Variants in KMT2E observed in about 807,000 individuals in gnomAD.
The protein encoded by KMT2E is lysine methyltransferase 2E (inactive).
Under a neutral mutation model 184.6 loss-of-function variants are expected in KMT2E, and 30 were observed. The observed-to-expected ratio is 0.16, with a 90% CI of 0.12 to 0.22. The LOEUF (loss-of-function observed/expected upper bound fraction) is 0.22, where lower values mean the gene tolerates loss of function less well. Among genes scored for constraint, KMT2E ranks in the 10% least tolerant of loss-of-function variants. KMT2E has a pLI of 1.00. For synonymous variants in KMT2E, 815 were observed against 776.5 expected (o/e 1.05, Z -0.82); for missense variants, 2,023 against 2,237.4 (o/e 0.90, Z 1.93).
intron 6 of KMT2E, among the ~76,000 whole-genome samples, chr7:105,071,606 ATATTTTTTTTTTT>A (rs1358129626): frequency 8.5e-5 from 5 of 58,696 alleles, no homozygotes; most frequent in African/African-American, 3.1e-4. Context: ...ATATATATAT[ATATTTTTTTTTTT>A]TTTTTTTTTT....
At chr7:105,037,237 T>G (rs564925405) in intron 1 of KMT2E, among the ~76,000 whole-genome samples, 1 of 152,348 alleles carries the variant, frequency 6.6e-6, no homozygotes, top group East Asian at 1.9e-4. Flanking sequence ...GGCTCTTTCC[T>G]CAAAGAGATT....
chr7:105,064,971 T>A (rs1322794735), intron 5 of KMT2E, among the ~76,000 whole-genome samples: 3 of 152,182 alleles, frequency 2.0e-5, no homozygotes, highest in African/African-American at 4.8e-5. Flanking sequence ...ATATATAAGA[T>A]ACAGTTATCT....
chr7:105,093,114 G>A lies in KMT2E; in HGVS notation c.1722+1800G>A, dbSNP rs78354560. ...GGGTGCTGAAGCGGGAGGATCACTTGAGTCTAGGAGGTCAAGGCTGCACTG... is the reference window on the plus strand; with the variant it reads ...GGGTGCTGAAGCGGGAGGATCACTTAAGTCTAGGAGGTCAAGGCTGCACTG... On this transcript the variant is annotated intron_variant, in intron 15 of 26. Coordinates refer to ENST00000311117, the MANE Select transcript of KMT2E (RefSeq NM_182931.3). 3.9e-5 allele frequency among the ~76,000 whole-genome samples: 6 copies of A among 152,258 alleles called. No individual in the cohort carries two copies. In the South Asian group the frequency reaches 1.2e-3, roughly 32 times the overall value.
intron 1 of KMT2E, among the ~76,000 whole-genome samples, chr7:105,019,507 A>T (rs1169174110): frequency 6.6e-6 from 1 of 152,248 alleles, no homozygotes; most frequent in Non-Finnish European, 1.5e-5. Flanking sequence ...GATGTGTTGC[A>T]TTAAGATGCC....
At chr7:105,066,133 A>G (rs191231898) in intron 5 of KMT2E, among the ~76,000 whole-genome samples, 1 of 152,102 alleles carries the variant, frequency 6.6e-6, no homozygotes, top group East Asian at 1.9e-4. Context: ...TTAATACTAC[A>G]TGCCACCAAA....
chr7:105,043,297 C>T (rs1218496266), intron 3 of KMT2E, among the ~76,000 whole-genome samples: 8 of 146,418 alleles, frequency 5.5e-5, no homozygotes, highest in Non-Finnish European at 9.0e-5. Context: ...AGTGCAGTGG[C>T]GGGATCTCGG....
chr7:105,023,897 T>A (rs1795064382), intron 1 of KMT2E, among the ~76,000 whole-genome samples: 1 of 152,234 alleles, frequency 6.6e-6, no homozygotes, highest in Admixed American at 6.5e-5. Flanking sequence ...ACATCTGTAA[T>A]TCTAGGGCAA....
At chr7:105,047,229 C>A (rs572789747) in intron 3 of KMT2E, among the ~76,000 whole-genome samples, 1 of 152,334 alleles carries the variant, frequency 6.6e-6, no homozygotes, top group South Asian at 2.1e-4. Context: ...TACCAAAATT[C>A]CAGACTCCCA....
chr7:105,101,593 T>TA lies in KMT2E; in HGVS notation c.1887+4_1887+5insA. ...CAGTGATGCTGAAGTTATTCAGGTA[T>TA]TATTTATTCAGGTCGTTTTATTTTC... On this transcript the variant is annotated splice_donor_region_variant and intron_variant, in intron 16 of 26. Coordinates refer to ENST00000311117, the MANE Select transcript of KMT2E (RefSeq NM_182931.3). 6.6e-7 allele frequency: 1 copy of TA among 1,526,588 alleles called. No homozygotes were observed. Among genetic ancestry groups the TA allele is most frequent in the Non-Finnish European group, 8.7e-7 (1 of 1,145,384 alleles). The allele number at this position is 1,526,588 out of a possible 1,614,324, so 94.6% of individuals were successfully genotyped here. A position where few individuals can be genotyped will look rare whatever the true frequency, so the allele number is the denominator to read the frequency against.
Position 105,110,563 on chromosome 7 carries a change from G to A in KMT2E, c.3931G>A (p.Ala1311Thr). The A allele has an allele frequency of 6.2e-7, 1 of 1,614,098 alleles. No homozygotes were observed. The highest frequency in any genetic ancestry group is 8.5e-7 in the Non-Finnish European group (1 of 1,179,974). The change falls in exon 25 of 27, where the codon GCT becomes ACT. Residue 1311 changes from alanine (A) to threonine (T), a missense_variant. Ala to Thr is a moderately conservative substitution (Grantham distance 58). Coordinates refer to ENST00000311117, the MANE Select transcript of KMT2E (RefSeq NM_182931.3). Reference protein sequence around the residue: ...SHSNHIPQLQAKGPVPSFSEL... With the variant: ...SHSNHIPQLQTKGPVPSFSEL... ...TTCAAATCACATACCCCAGTTGCAA[G>A]CTAAGGGCCCAGTCCCTTCTTTCAG...
intron 15 of KMT2E, among the ~76,000 whole-genome samples, chr7:105,096,403 T>C (rs1433563287): frequency 1.3e-5 from 2 of 152,184 alleles, no homozygotes; most frequent in Non-Finnish European, 2.9e-5. Flanking sequence ...TGATGGCCTA[T>C]ATTATCAGAT....
chr7:105,042,306 C>A (rs905059718), intron 3 of KMT2E, among the ~76,000 whole-genome samples: 1 of 152,104 alleles, frequency 6.6e-6, no homozygotes, highest in African/African-American at 2.4e-5. Flanking sequence ...TACAGCTGTT[C>A]TTAGGGTAAT....
Position 105,056,889 on chromosome 7 carries a change from A to G in KMT2E, c.72-5275A>G, listed in dbSNP as rs557182810. ...AAATATCCTTATTCCCACTTTACAT[A>G]TAAAAAACCTCAAGTTCAAGAGAGG... On this transcript the variant is annotated intron_variant, in intron 3 of 26. Coordinates refer to ENST00000311117, the MANE Select transcript of KMT2E (RefSeq NM_182931.3). Among the ~76,000 whole-genome samples, 300 of 152,346 alleles carry G rather than the reference A, an allele frequency of 2.0e-3. 11 individuals carry two copies. In the South Asian group the frequency reaches 0.059, roughly 30 times the overall value.
At position 105,080,809 on chromosome 7, in the gene KMT2E, A is replaced by G. The variant is rs1309908401; in HGVS notation, c.1249-879A>G. 2.8e-4 allele frequency among the ~76,000 whole-genome samples: 43 copies of G among 151,884 alleles called. 1 individual carries two copies. Among genetic ancestry groups the G allele is most frequent in the Admixed American group, 2.8e-3 (42 of 15,222 alleles). ...GTGGATCACCTGAGGTCAGGAGTTCAAGACCAGCCTGACCAACATGGTGAA... is the reference window on the plus strand; with the variant it reads ...GTGGATCACCTGAGGTCAGGAGTTCGAGACCAGCCTGACCAACATGGTGAA... On this transcript the variant is annotated intron_variant, in intron 12 of 26. Coordinates refer to ENST00000311117, the MANE Select transcript of KMT2E (RefSeq NM_182931.3).
chr7:105,071,462 G>A (rs1196448966), intron 6 of KMT2E, among the ~76,000 whole-genome samples: 1 of 149,958 alleles, frequency 6.7e-6, no homozygotes, highest in Non-Finnish European at 1.5e-5. Context: ...CGCCTCCTGG[G>A]TTCAAGCCAT....
intron 6 of KMT2E, among the ~76,000 whole-genome samples, chr7:105,073,089 T>G (rs926152230): frequency 6.6e-6 from 1 of 151,776 alleles, no homozygotes; most frequent in Admixed American, 6.6e-5. Context: ...ATATTCTGTT[T>G]GAAAAAAATA....
chr7:105,102,881 T>G (rs1212697303), intron 17 of KMT2E: 1 of 152,280 alleles, frequency 6.6e-6, no homozygotes, highest in East Asian at 1.9e-4. Context: ...TCTTACCTAA[T>G]TCAGTACAGT....
At chr7:105,050,687 TTCTC>T (rs1334371343) in intron 3 of KMT2E, among the ~76,000 whole-genome samples, 1 of 151,246 alleles carries the variant, frequency 6.6e-6, no homozygotes, top group African/African-American at 2.4e-5. Context: ...CTTTCTTTCT[TTCTC>T]TTTCTCTCTT....
rs1450400914 is a variant in KMT2E at position 105,114,804 on chromosome 7, G to A, written c.*1471G>A. ...AATTAGCTAATGATGGTACATTAAC[G>A]CAGCTCACTTAGGGCTCAATCCTAA... On this transcript the variant is annotated 3_prime_UTR_variant, in exon 27 of 27. Transcript: ENST00000311117. Among the ~76,000 whole-genome samples, 6 of 152,180 alleles carry A rather than the reference G, an allele frequency of 3.9e-5. No individual in the cohort carries two copies. The East Asian group carries it at 7.7e-4, about 20-fold the overall frequency.
Sources: allele counts gnomAD v4.1 joint callset (sites outside exome capture counted in the v4.1 genomes callset), GRCh38; gene constraint gnomAD v4.1.1; transcripts MANE v1.5; gene names NCBI Gene and HGNC (gene_info 2026-07-23, HGNC 2026-07-21).